SLC25A15: variants seen among roughly 807,000 people sequenced by gnomAD.
The protein encoded by SLC25A15 is mitochondrial ornithine transporter 1.
Under a neutral mutation model 32.3 loss-of-function variants are expected in SLC25A15, and 24 were observed. The ratio of observed to expected loss-of-function variants is 0.74; its 90% CI spans 0.54 to 1.04. SLC25A15 has a LOEUF of 1.04. SLC25A15 is among the 50% of genes least tolerant of loss of function. SLC25A15 has a pLI of 0.00. For missense variants in SLC25A15, 317 were observed against 374.5 expected (o/e 0.85, Z 1.27); for synonymous variants, 132 against 142.1 (o/e 0.93, Z 0.51).
chr13:40,798,487 G>C (rs767074546), intron 2 of SLC25A15, among the ~76,000 whole-genome samples: 8 of 152,132 alleles, frequency 5.3e-5, no homozygotes, highest in Non-Finnish European at 1.2e-4. Context: ...CAGACTCCTT[G>C]TTTCCTTTCC....
At chr13:40,792,794 C>T (rs1365920136) in intron 1 of SLC25A15, among the ~76,000 whole-genome samples, 2 of 152,122 alleles carry the variant, frequency 1.3e-5, no homozygotes, top group Non-Finnish European at 2.9e-5. Flanking sequence ...AGGCTGCTGT[C>T]TGAATTTAGA....
chr13:40,791,477 C>G (rs1416232788), intron 1 of SLC25A15, among the ~76,000 whole-genome samples: 6 of 151,820 alleles, frequency 4.0e-5, no homozygotes, highest in Non-Finnish European at 7.4e-5. Flanking sequence ...TCTGCCTCAG[C>G]CTCCTGAGTA....
intron 3 of SLC25A15, among the ~76,000 whole-genome samples, chr13:40,803,862 G>A (rs1319652416): frequency 1.3e-5 from 2 of 152,202 alleles, no homozygotes; most frequent in East Asian, 3.9e-4. Context: ...GGCATGTGGG[G>A]ATAGGCTTAG....
chr13:40,812,271 A>C lies in SLC25A15; in HGVS notation c.*2604A>C, dbSNP rs1222626885. ...TTAACTAGATATGTTCAATAGAAAG[A>C]GTCTGAGGCAAGTGGAAATGAGGAA... is the stretch of plus-strand genomic sequence containing the variant. On this transcript the variant is annotated 3_prime_UTR_variant, in exon 7 of 7. Transcript: ENST00000338625. Among the ~76,000 whole-genome samples, 1 of 152,212 alleles carries C rather than the reference A, an allele frequency of 6.6e-6. No homozygotes were observed. Among genetic ancestry groups the C allele is most frequent in the Admixed American group, 6.5e-5 (1 of 15,288 alleles).
rs969178710 is a variant in SLC25A15 at position 40,805,387 on chromosome 13, G to A, written c.452+132G>A. 13 of 1,078,576 alleles carry A rather than the reference G, an allele frequency of 1.2e-5. No individual in the cohort carries two copies. The African/African-American group carries it at 1.9e-4, about 16-fold the overall frequency. The allele number at this position is 1,078,576 out of a possible 1,614,324, so 66.8% of individuals were successfully genotyped here. A position where few individuals can be genotyped will look rare whatever the true frequency, so the allele number is the denominator to read the frequency against. On this transcript the variant is annotated intron_variant, in intron 4 of 6. Coordinates refer to ENST00000338625, the MANE Select transcript of SLC25A15 (RefSeq NM_014252.4). ...TACTCCAAAATATTGTTTCTAGAATGCTTTCCCCTATCAGAGATTTTCTGA... is the reference window on the plus strand; with the variant it reads ...TACTCCAAAATATTGTTTCTAGAATACTTTCCCCTATCAGAGATTTTCTGA...
At chr13:40,791,697 A>G (rs1881511141) in intron 1 of SLC25A15, among the ~76,000 whole-genome samples, 1 of 152,162 alleles carries the variant, frequency 6.6e-6, no homozygotes, top group Non-Finnish European at 1.5e-5. Flanking sequence ...CCAGATGGCC[A>G]CCACCTTTTC....
At chr13:40,802,578 C>CT (rs796900075) in intron 3 of SLC25A15, among the ~76,000 whole-genome samples, 12,500 of 141,094 alleles carry the variant, frequency 0.089, 605 homozygotes, top group Non-Finnish European at 0.1. Flanking sequence ...TCCATCTGTG[C>CT]TTTTTTTTTT....
At chr13:40,805,952 T>A (rs1485215367) in intron 4 of SLC25A15, among the ~76,000 whole-genome samples, 1 of 152,220 alleles carries the variant, frequency 6.6e-6, no homozygotes, top group Non-Finnish European at 1.5e-5. Flanking sequence ...GACATCTGGC[T>A]GAGTTCTGAC....
In SLC25A15 at chr13:40,807,453, A is replaced by G. The variant is rs1882239190; in HGVS notation, c.612A>G (p.Lys204=). 2 of 1,614,178 alleles carry G rather than the reference A, an allele frequency of 1.2e-6. No individual in the cohort carries two copies. The highest frequency in any genetic ancestry group is 4.5e-5 in the East Asian group (2 of 44,886). The change falls in exon 5 of 7, where the codon AAA becomes AAG. Residue 204 remains lysine (K), a synonymous_variant. Coordinates refer to ENST00000338625, the MANE Select transcript of SLC25A15 (RefSeq NM_014252.4). Reference sequence around the variant, plus strand: ...CCTTTTTTGCATCAGGGAGATCAAAAGATGAATTAGGTAAATGTGTTTGCA... The same window carrying G: ...CCTTTTTTGCATCAGGGAGATCAAAGGATGAATTAGGTAAATGTGTTTGCA... ...SRSFFASGRS[K]DELGPVPLML...
At position 40,799,052 on chromosome 13, in the gene SLC25A15, T is replaced by A; in HGVS notation, c.56-5T>A. 1 of 1,614,180 alleles carries A rather than the reference T, an allele frequency of 6.2e-7. No individual in the cohort carries two copies. Among genetic ancestry groups the A allele is most frequent in the Non-Finnish European group, 8.5e-7 (1 of 1,180,032 alleles). On this transcript the variant is annotated splice_polypyrimidine_tract_variant and splice_region_variant and intron_variant, in intron 2 of 6. Transcript: ENST00000338625. The stretch of plus-strand genomic sequence containing the variant: ...TACTAGAGCAGTCATCTGTCCTGAT[T>A]GCAGGAGGTACAGCATGTGTACTGA...
intron 2 of SLC25A15, among the ~76,000 whole-genome samples, chr13:40,794,200 C>T (rs1160167426): frequency 2.0e-5 from 3 of 152,206 alleles, no homozygotes; most frequent in Middle Eastern, 3.4e-3. Context: ...ATTATCCAGG[C>T]GTGGTGGTGC....
In SLC25A15 at chr13:40,805,173, C is replaced by T; in HGVS notation, c.370C>T (p.Leu124Phe). ...CGCCTCTGCCTTTGCTGCACTGGTGCTCTGCCCCACGGAGCTCGTGAAGTG... is the reference window on the plus strand; with the variant it reads ...CGCCTCTGCCTTTGCTGCACTGGTGTTCTGCCCCACGGAGCTCGTGAAGTG... ...SFASAFAALVLCPTELVKCRL... is the reference protein window; with the variant it reads ...SFASAFAALVFCPTELVKCRL... The change falls in exon 4 of 7, where the codon CTC (leucine) becomes TTC (phenylalanine). Residue 124 changes from leucine to phenylalanine, a missense_variant. Transcript: ENST00000338625. 6.2e-7 allele frequency: 1 copy of T among 1,614,216 alleles called. No individual in the cohort carries two copies. Among genetic ancestry groups the T allele is most frequent in the Non-Finnish European group, 8.5e-7 (1 of 1,180,038 alleles).
chr13:40,792,662 T>G (rs2138039051), intron 1 of SLC25A15, among the ~76,000 whole-genome samples: 1 of 152,330 alleles, frequency 6.6e-6, no homozygotes, highest in East Asian at 1.9e-4. Context: ...GGAGCCACAC[T>G]GCAGGTAGAG....
chr13:40,810,960 G>C lies in SLC25A15; in HGVS notation c.*1293G>C. ...GGAACAGTGAGAGCCAAAGCCAAGAGAAGCCTTCTTCCCTGTTTGGTGATT... is the reference window on the plus strand; with the variant it reads ...GGAACAGTGAGAGCCAAAGCCAAGACAAGCCTTCTTCCCTGTTTGGTGATT... On this transcript the variant is annotated 3_prime_UTR_variant, in exon 7 of 7. Transcript: ENST00000338625. 2.2e-6 allele frequency: 1 copy of C among 454,548 alleles called. No homozygotes were observed. Among genetic ancestry groups the C allele is most frequent in the Non-Finnish European group, 4.5e-6 (1 of 223,046 alleles). 28.2% of individuals were successfully genotyped at this position (454,548 alleles called of 1,614,324 possible).
In SLC25A15 at chr13:40,812,109, G is replaced by A. The variant is rs1477595091; in HGVS notation, c.*2442G>A. On this transcript the variant is annotated 3_prime_UTR_variant, in exon 7 of 7. Transcript: ENST00000338625. ...TGCTTTATCTGAATAGGCCTGGATC[G>A]AAGTAAAATAGAAATGGGACTGGCT... Among the ~76,000 whole-genome samples the A allele has an allele frequency of 1.3e-5, 2 of 152,146 alleles. No homozygotes were observed. The highest frequency in any genetic ancestry group is 2.9e-5 in the Non-Finnish European group (2 of 68,016).
At position 40,808,433 on chromosome 13, in the gene SLC25A15, T is replaced by A; in HGVS notation, c.623-5T>A. The A allele has an allele frequency of 6.2e-7, 1 of 1,612,806 alleles. No individual in the cohort carries two copies. Among genetic ancestry groups the A allele is most frequent in the Non-Finnish European group, 8.5e-7 (1 of 1,179,782 alleles). ...AATACCATTTGCTATTTTTTTTTTCTCTAGGCCCTGTACCTTTGATGTTAA... is the reference window on the plus strand; with the variant it reads ...AATACCATTTGCTATTTTTTTTTTCACTAGGCCCTGTACCTTTGATGTTAA... On this transcript the variant is annotated splice_polypyrimidine_tract_variant and splice_region_variant and intron_variant, in intron 5 of 6. Transcript: ENST00000338625.
Sources: gnomAD v4.1 joint callset for allele counts (sites outside exome capture counted in the v4.1 genomes callset) on GRCh38, gnomAD v4.1.1 for gene constraint, MANE v1.5 for transcripts, NCBI Gene and HGNC (gene_info 2026-07-23, HGNC 2026-07-21) for gene names.